Variants in EXT2 observed in about 807,000 individuals in gnomAD.
The protein encoded by EXT2 is exostosin-2.
EXT2 carries 53 observed loss-of-function variants against 81.6 expected under a neutral mutation model. That is an observed-to-expected ratio of 0.65 (90% CI 0.52 to 0.82). The LOEUF (loss-of-function observed/expected upper bound fraction) is 0.82. EXT2 is among the 40% of genes least tolerant of loss of function. The pLI, the probability that EXT2 is intolerant of heterozygous loss-of-function variation, is 0.00. For missense variants in EXT2, 774 were observed against 910.2 expected, an observed-to-expected ratio of 0.85 and a Z score of 1.93; for synonymous variants, 320 against 340.0, an observed-to-expected ratio of 0.94 and a Z score of 0.65.
rs75719762 is a variant in EXT2, at chr11:44,220,694, G to T, written c.1663-11659G>T. Among the ~76,000 whole-genome samples, 387 of 152,314 alleles carry T rather than the reference G, an allele frequency of 2.5e-3. 12 individuals carry two copies. The East Asian group carries it at 0.069, about 27-fold the overall frequency. On this transcript the variant is annotated intron_variant, in intron 10 of 13. Transcript: ENST00000533608. This position sits in a 1 kb window ranked among gnomAD's most constrained non-coding sequence, Gnocchi z 4.4. ...GAGAACTAAATAATCTATTAGGTCT[G>T]TCCTATCTCCAGCTTGCATTGATTT...
At chr11:44,109,674 G>A (rs75833033) in intron 3 of EXT2, among the ~76,000 whole-genome samples, 1 of 152,140 alleles carries the variant, frequency 6.6e-6, no homozygotes, top group African/African-American at 2.4e-5. Context: ...ATAATGTAGA[G>A]GGTAATGGGG....
At chr11:44,179,164 A>T (rs1260562325) in intron 8 of EXT2, among the ~76,000 whole-genome samples, 1 of 152,160 alleles carries the variant, frequency 6.6e-6, no homozygotes, top group Non-Finnish European at 1.5e-5. Flanking sequence ...CCAGATCCAG[A>T]TGGGGAGGAT....
rs543773612 is a variant in EXT2 at position 44,245,630 on chromosome 11, T to G, written c.*1343T>G. ...GAATATGGATATAATTACAGAAACC[T>G]AGTTGTTTTGCCAGTCAGCGTCAGT... On this transcript the variant is annotated 3_prime_UTR_variant, in exon 14 of 14. Transcript: ENST00000533608. Among the ~76,000 whole-genome samples, 26 of 152,266 alleles carry G rather than the reference T, an allele frequency of 1.7e-4. No homozygotes were observed. Among genetic ancestry groups the G allele is most frequent in the African/African-American group, 6.3e-4 (26 of 41,554 alleles).
intron 13 of EXT2, among the ~76,000 whole-genome samples, chr11:44,240,479 T>C (rs1185484810): frequency 6.6e-6 from 1 of 152,184 alleles, no homozygotes. Flanking sequence ...TCACTTGAGC[T>C]TAGGAGTTCA....
chr11:44,161,168 A>G (rs1212506231), intron 7 of EXT2, among the ~76,000 whole-genome samples: 2 of 152,250 alleles, frequency 1.3e-5, no homozygotes, highest in Admixed American at 6.5e-5. Flanking sequence ...ATACTTTTAA[A>G]TAGGTGAGAT....
intron 4 of EXT2, among the ~76,000 whole-genome samples, chr11:44,124,444 TACAC>T (rs57261356): frequency 0.024 from 3,540 of 144,804 alleles, 107 homozygotes; most frequent in African/African-American, 0.071. Flanking sequence ...GTTTCTCTCC[TACAC>T]ACACACACAC....
intron 3 of EXT2, among the ~76,000 whole-genome samples, chr11:44,110,606 A>AT (rs530084285): frequency 6.6e-6 from 1 of 151,872 alleles, no homozygotes; most frequent in African/African-American, 2.4e-5. Context: ...CCAGTTCTGG[A>AT]TTTTTTTTCA....
At position 44,108,216 on chromosome 11, in the gene EXT2, G is replaced by A. The variant is rs2134968663; in HGVS notation, c.504G>A (p.Lys168=). The change falls in exon 2 of 14, where the codon AAG becomes AAA. Residue 168 remains lysine (K), a synonymous_variant. Transcript: ENST00000533608. The part of the protein sequence containing the change: ...DVLNQNTLRI[K]ETAQAMAQLS... ...TTAACCAGAACACACTGCGCATCAA[G>A]GAGACAGCACAAGCGATGGCCCAGC... The A allele has an allele frequency of 3.1e-6, 5 of 1,613,452 alleles. No individual in the cohort carries two copies. The highest frequency in any genetic ancestry group is 4.2e-6 in the Non-Finnish European group (5 of 1,180,020).
Position 44,244,175 on chromosome 11 carries a change from C to G in EXT2, c.2045C>G (p.Ser682Ter). Residue 682 changes from serine to a stop codon, truncating the protein, a stop_gained, in exon 14 of 14, where the codon TCA becomes TGA. Transcript: ENST00000533608. LOFTEE classifies it high-confidence loss of function. ...ERSECINKFA[S>*]VFGTMPLKVV... ...TCAGAGTGCATCAACAAGTTTGCTT[C>G]AGTCTTCGGGACCATGCCTCTCAAG... The G allele has an allele frequency of 6.2e-7, 1 of 1,614,126 alleles. No homozygotes were observed. Among genetic ancestry groups the G allele is most frequent in the Non-Finnish European group, 8.5e-7 (1 of 1,179,976 alleles).
intron 8 of EXT2, chr11:44,171,956 G>C (rs1237218383): frequency 3.1e-6 from 2 of 636,984 alleles, no homozygotes; most frequent in Admixed American, 5.2e-5. Flanking sequence ...TGTGTTTTAA[G>C]TGCTTAGAAA....
In EXT2 at chr11:44,095,904, C is replaced by T. The variant is rs1040262929; in HGVS notation, c.-31+52C>T. The stretch of plus-strand genomic sequence containing the variant: ...CCGGGCGGGCGCTGAAGCGAGGGCT[C>T]GGGCCTCCGGGGGCCGCTGCTGGGT... On this transcript the variant is annotated intron_variant, in intron 1 of 13. Transcript: ENST00000533608. The T allele has an allele frequency of 1.9e-5, 5 of 259,276 alleles. No individual in the cohort carries two copies. In the Admixed American group the frequency reaches 2.4e-4, roughly 12 times the overall value. 16.1% of individuals were successfully genotyped at this position (259,276 alleles called of 1,614,324 possible).
intron 12 of EXT2, among the ~76,000 whole-genome samples, chr11:44,235,774 GA>G (rs1955956448): frequency 6.6e-6 from 1 of 152,118 alleles, no homozygotes; most frequent in African/African-American, 2.4e-5. Context: ...GGGAGTCAGG[GA>G]AAAAGATTCA....
chr11:44,172,790 T>A (rs1277408243), intron 8 of EXT2, among the ~76,000 whole-genome samples: 1 of 152,024 alleles, frequency 6.6e-6, no homozygotes, highest in East Asian at 1.9e-4. Context: ...GCCAGGCTGG[T>A]CTCGAACGCC....
In EXT2 at chr11:44,246,098, C is replaced by T. The variant is rs1015025900; in HGVS notation, c.*1811C>T. Among the ~76,000 whole-genome samples, 1 of 152,132 alleles carries T rather than the reference C, an allele frequency of 6.6e-6. No homozygotes were observed. The highest frequency in any genetic ancestry group is 1.5e-5 in the Non-Finnish European group (1 of 68,028). On this transcript the variant is annotated 3_prime_UTR_variant, in exon 14 of 14. Transcript: ENST00000533608. ...ATATTGGGGACGATATGGTAGAAAGCCAGGAAAAATATTTCTGTTGTCACC... is the reference window on the plus strand; with the variant it reads ...ATATTGGGGACGATATGGTAGAAAGTCAGGAAAAATATTTCTGTTGTCACC...
At chr11:44,134,081 C>T (rs1041973051) in intron 7 of EXT2, among the ~76,000 whole-genome samples, 5 of 152,138 alleles carry the variant, frequency 3.3e-5, no homozygotes, top group African/African-American at 1.2e-4. Flanking sequence ...TGAAGGCCAC[C>T]AGTGAGCAGT....
intron 9 of EXT2, among the ~76,000 whole-genome samples, chr11:44,205,871 A>G (rs1018008701): frequency 1.3e-5 from 2 of 152,186 alleles, no homozygotes; most frequent in South Asian, 2.1e-4. Flanking sequence ...GTAAAGAACA[A>G]ACTGCCCTCT....
At chr11:44,141,238 GT>G (rs1343181067) in intron 7 of EXT2, among the ~76,000 whole-genome samples, 3 of 152,154 alleles carry the variant, frequency 2.0e-5, no homozygotes, top group Non-Finnish European at 1.5e-5. Context: ...TGTGCAGATA[GT>G]TATTATACTG....
At chr11:44,232,518 A>G (rs769012431) in intron 11 of EXT2, 22 bp downstream of exon 11, 2 of 1,613,310 alleles carry the variant, frequency 1.2e-6, no homozygotes, top group African/African-American at 2.7e-5. Context: ...CAGTCCTGGC[A>G]AGGTGACAAA....
chr11:44,163,066 A>G (rs1160468703), intron 7 of EXT2, among the ~76,000 whole-genome samples: 1 of 152,210 alleles, frequency 6.6e-6, no homozygotes, highest in Non-Finnish European at 1.5e-5. Context: ...CCCAAGTTAA[A>G]GGGATATCAG....
Sources: gnomAD v4.1 joint callset for allele counts (sites outside exome capture counted in the v4.1 genomes callset) on GRCh38, gnomAD v4.1.1 for gene constraint, Gnocchi (gnomAD v3.1) non-coding constraint, MANE v1.5 for transcripts, NCBI Gene and HGNC (gene_info 2026-07-23, HGNC 2026-07-21) for gene names.